The following TOX variants were observed in gnomAD, a reference collection of about 807,000 sequenced individuals.
TOX encodes thymocyte selection associated high mobility group box.
In TOX, 11 loss-of-function variants were observed where a neutral mutation model predicts 53.7. That is an observed-to-expected ratio of 0.20 (90% CI 0.13 to 0.34). The LOEUF is 0.34. Ranked by LOEUF, TOX falls within the 10% of genes least tolerant of loss-of-function variation. TOX has a pLI of 1.00. For missense variants in TOX, 570 were observed against 664.6 expected, an observed-to-expected ratio of 0.86 and a Z score of 1.56; for synonymous variants, 225 against 245.3, an observed-to-expected ratio of 0.92 and a Z score of 0.77.
intron 1 of TOX, among the ~76,000 whole-genome samples, chr8:59,054,764 C>T (rs961497579): frequency 4.1e-5 from 6 of 146,292 alleles, no homozygotes; most frequent in South Asian, 4.3e-4. Flanking sequence ...CCACCACAAG[C>T]TCATAGTGAT....
intron 3 of TOX, among the ~76,000 whole-genome samples, chr8:58,869,854 A>G (rs1421678887): frequency 6.6e-6 from 1 of 152,112 alleles, no homozygotes; most frequent in African/African-American, 2.4e-5. Flanking sequence ...TGCAGTAAAA[A>G]CATGTGACAA....
At chr8:58,877,751 T>A (rs1404125448) in intron 3 of TOX, among the ~76,000 whole-genome samples, 1 of 152,188 alleles carries the variant, frequency 6.6e-6, no homozygotes, top group Non-Finnish European at 1.5e-5. Flanking sequence ...AAATATGCAG[T>A]CGTGCAGTGT....
At chr8:58,813,666 G>A (rs181867602) in intron 7 of TOX, among the ~76,000 whole-genome samples, 33 of 152,248 alleles carry the variant, frequency 2.2e-4, no homozygotes, top group Non-Finnish European at 4.0e-4. Flanking sequence ...GGCTTTCTAC[G>A]TACTCTTCTT....
chr8:58,837,771 T>C (rs1810571107), intron 5 of TOX, among the ~76,000 whole-genome samples: 1 of 152,186 alleles, frequency 6.6e-6, no homozygotes, highest in Non-Finnish European at 1.5e-5. Context: ...TAGGACTTTT[T>C]TTTCAGTCTT....
chr8:59,011,602 G>A (rs1296336975), intron 1 of TOX, among the ~76,000 whole-genome samples: 1 of 152,056 alleles, frequency 6.6e-6, no homozygotes, highest in East Asian at 1.9e-4. Flanking sequence ...AACTTTGGCT[G>A]CAGGGTAAGT....
intron 1 of TOX, among the ~76,000 whole-genome samples, chr8:59,085,642 C>A (rs973338207): frequency 2.0e-5 from 3 of 152,228 alleles, no homozygotes; most frequent in Admixed American, 2.0e-4. Context: ...CCTGCCTTGG[C>A]CTTCCATTGT....
rs938898301 is a variant in TOX at position 58,863,913 on chromosome 8, T to A, written c.412-12108A>T. On this transcript the variant is annotated intron_variant, in intron 3 of 8. Coordinates refer to ENST00000361421, the MANE Select transcript of TOX (RefSeq NM_014729.3). ...TGCACTGCTATAGAATTGCAGAGAA[T>A]AATGCTGCAACAAGGAGTCTGTCTG... 3.3e-5 allele frequency among the ~76,000 whole-genome samples: 5 copies of A among 152,238 alleles called. No individual in the cohort carries two copies. The East Asian group carries it at 9.7e-4, about 29-fold the overall frequency.
In TOX at chr8:58,940,812, G is replaced by A. The variant is rs551905970; in HGVS notation, c.169-1268C>T. On this transcript the variant is annotated intron_variant, in intron 2 of 8. Coordinates refer to ENST00000361421, the MANE Select transcript of TOX (RefSeq NM_014729.3). ...CCTGGGGTTATTTTTTCCAGATGGC[G>A]TCTATTTGTCTAACAGAAAGAAAAT... Among the ~76,000 whole-genome samples, 120 of 152,248 alleles carry A rather than the reference G, an allele frequency of 7.9e-4. No individual in the cohort carries two copies. The Middle Eastern group carries it at 0.017, about 22-fold the overall frequency.
chr8:58,851,351 T>C lies in TOX; in HGVS notation c.693+173A>G, dbSNP rs1075418. On this transcript the variant is annotated intron_variant, in intron 4 of 8. Coordinates refer to ENST00000361421, the MANE Select transcript of TOX (RefSeq NM_014729.3). This position sits in a 1 kb window ranked among gnomAD's most constrained non-coding sequence, Gnocchi z 4.4. The stretch of plus-strand genomic sequence containing the variant: ...ATTTCTCAGGGGCTTTAAAGTGTAA[T>C]TGGACAAGCAGGTGGTTTAATCCAG... 0.17 allele frequency among the ~76,000 whole-genome samples: 25,521 copies of C among 152,016 alleles called. 2,608 individuals carry two copies. The highest frequency in any genetic ancestry group is 0.23 in the South Asian group (1,095 of 4,812).
chr8:59,076,261 C>G (rs760097190), intron 1 of TOX, among the ~76,000 whole-genome samples: 1 of 152,092 alleles, frequency 6.6e-6, no homozygotes, highest in African/African-American at 2.4e-5. Context: ...ATTAGAAAAG[C>G]CTGGTGAGGA....
At chr8:58,925,414 C>T (rs180934648) in intron 3 of TOX, among the ~76,000 whole-genome samples, 126 of 152,276 alleles carry the variant, frequency 8.3e-4, no homozygotes, top group African/African-American at 2.9e-3. Context: ...CAGGGAAGGA[C>T]GGGGTCCCAT....
chr8:59,040,405 A>T (rs2129420666), intron 1 of TOX, among the ~76,000 whole-genome samples: 2 of 149,036 alleles, frequency 1.3e-5, no homozygotes, highest in South Asian at 4.2e-4. Flanking sequence ...TTGCTATCTT[A>T]GACCATCAGC....
intron 2 of TOX, among the ~76,000 whole-genome samples, chr8:58,957,572 T>C (rs1365353832): frequency 3.9e-5 from 6 of 152,256 alleles, no homozygotes; most frequent in South Asian, 4.1e-4. Context: ...AGTTCCAGCA[T>C]TGGCTTTCTA....
intron 4 of TOX, among the ~76,000 whole-genome samples, chr8:58,841,331 T>C (rs1208307175): frequency 6.6e-6 from 1 of 152,214 alleles, no homozygotes; most frequent in Non-Finnish European, 1.5e-5. Context: ...GGGTTGGGCC[T>C]GGTTTTGCCC....
intron 5 of TOX, among the ~76,000 whole-genome samples, chr8:58,828,419 A>G (rs1408258360): frequency 1.3e-5 from 2 of 152,150 alleles, no homozygotes; most frequent in African/African-American, 4.8e-5. Flanking sequence ...GTACAATATT[A>G]TCATATAATC....
chr8:58,841,347 C>A (rs1357937113), intron 4 of TOX, among the ~76,000 whole-genome samples: 1 of 152,134 alleles, frequency 6.6e-6, no homozygotes, highest in Non-Finnish European at 1.5e-5. Flanking sequence ...TGCCCACTAG[C>A]ACGTATCATG....
chr8:58,825,144 T>C (rs919208404), intron 6 of TOX, among the ~76,000 whole-genome samples: 1 of 152,198 alleles, frequency 6.6e-6, no homozygotes, highest in Non-Finnish European at 1.5e-5. Context: ...TCTGATGATG[T>C]CTAGAAAGTT....
At chr8:59,026,091 C>T (rs537598989) in intron 1 of TOX, among the ~76,000 whole-genome samples, 14 of 151,664 alleles carry the variant, frequency 9.2e-5, no homozygotes, top group South Asian at 8.4e-4. Context: ...AGGGCATTGA[C>T]GGGTTCTAGA....
At chr8:58,933,126 C>G (rs1021903839) in intron 3 of TOX, among the ~76,000 whole-genome samples, 1 of 152,122 alleles carries the variant, frequency 6.6e-6, no homozygotes, top group Non-Finnish European at 1.5e-5. Context: ...TAAACGAATC[C>G]TTTCTTTGAG....
Sources: gnomAD v4.1 joint callset for allele counts (sites outside exome capture counted in the v4.1 genomes callset) on GRCh38, gnomAD v4.1.1 for gene constraint, Gnocchi (gnomAD v3.1) non-coding constraint, MANE v1.5 for transcripts, NCBI Gene and HGNC (gene_info 2026-07-23, HGNC 2026-07-21) for gene names.